The following C10orf143 variants were observed in gnomAD, a reference collection of about 807,000 sequenced individuals.
C10orf143 encodes the protein chromosome 10 open reading frame 143, also known as uncharacterized protein C10orf143.
chr10:130,086,178 A>C (rs1861288874), intron 1 of C10orf143, among the ~76,000 whole-genome samples: 1 of 152,164 alleles, frequency 6.6e-6, no homozygotes, highest in Non-Finnish European at 1.5e-5. Flanking sequence ...AGAAACCCAC[A>C]CTAGGTCAAC....
rs1860893090 is a variant in C10orf143 at position 130,064,228 on chromosome 10, C to A, written c.*126G>T. 5.1e-6 allele frequency: 2 copies of A among 394,502 alleles called. No homozygotes were observed. Among genetic ancestry groups the A allele is most frequent in the African/African-American group, 4.1e-5 (2 of 48,492 alleles). 24.4% of individuals were successfully genotyped at this position (394,502 alleles called of 1,614,324 possible). A position where few individuals can be genotyped will look rare whatever the true frequency, so the allele number is the denominator to read the frequency against. On this transcript the variant is annotated 3_prime_UTR_variant, in exon 4 of 4. Transcript: ENST00000637128. ...GGACAGACAAACCTCCCCCCACCCA[C>A]AGAGGACACCGGGCTGCTATTTGAA...
chr10:130,049,249 G>A (rs1490148707), intron 3 of C10orf143, among the ~76,000 whole-genome samples: 2 of 152,180 alleles, frequency 1.3e-5, no homozygotes, highest in South Asian at 2.1e-4. Context: ...ATCCAGTGGC[G>A]ATCATGGAGA....
At chr10:130,086,735 T>TA (rs1395382975) in intron 1 of C10orf143, among the ~76,000 whole-genome samples, 1 of 152,266 alleles carries the variant, frequency 6.6e-6, no homozygotes, top group Non-Finnish European at 1.5e-5. Context: ...GCAATAATAT[T>TA]ATTTCCCTTC....
intron 1 of C10orf143, among the ~76,000 whole-genome samples, chr10:130,093,750 C>T (rs887472638): frequency 6.6e-6 from 1 of 152,092 alleles, no homozygotes; most frequent in Non-Finnish European, 1.5e-5. Context: ...CGGTGGCTCA[C>T]ACCTGTAATC....
chr10:130,073,666 G>A (rs995085918), intron 3 of C10orf143, among the ~76,000 whole-genome samples: 1 of 152,072 alleles, frequency 6.6e-6, no homozygotes, highest in Non-Finnish European at 1.5e-5. Flanking sequence ...GCAGGAGGGG[G>A]ACACATCTGT....
chr10:130,035,288 G>T (rs540976662), intron 4 of C10orf143, among the ~76,000 whole-genome samples: 1 of 152,104 alleles, frequency 6.6e-6, no homozygotes, highest in Non-Finnish European at 1.5e-5. Flanking sequence ...GGTGTGTTTC[G>T]TCTGTGTCTT....
At chr10:130,087,562 C>T (rs1429405192) in intron 1 of C10orf143, among the ~76,000 whole-genome samples, 1 of 152,218 alleles carries the variant, frequency 6.6e-6, no homozygotes, top group Admixed American at 6.5e-5. Context: ...GGAAGTCTTG[C>T]TGCCTGTCCT....
rs114017585 is a variant in C10orf143, at chr10:130,088,748, C to T, written c.70-8847G>A. On this transcript the variant is annotated intron_variant, in intron 1 of 3. Transcript: ENST00000637128. ...GCTGGATGGAACAAGATTGAGAAGG[C>T]GCCACAGATTGCCATTTAGAAAGAA... 1.8e-3 allele frequency among the ~76,000 whole-genome samples: 277 copies of T among 152,294 alleles called. 1 individual carries two copies. The highest frequency in any genetic ancestry group is 6.4e-3 in the African/African-American group (267 of 41,556).
At chr10:130,098,099 G>C (rs1235627041) in intron 1 of C10orf143, among the ~76,000 whole-genome samples, 1 of 152,114 alleles carries the variant, frequency 6.6e-6, no homozygotes, top group African/African-American at 2.4e-5. Context: ...CAGGCAGGAG[G>C]ATCACTTGAG....
At chr10:130,048,981 A>C (rs1860707969) in intron 3 of C10orf143, among the ~76,000 whole-genome samples, 1 of 152,152 alleles carries the variant, frequency 6.6e-6, no homozygotes, top group African/African-American at 2.4e-5. Flanking sequence ...CTGGGGTTAC[A>C]GATGTGAGCC....
At chr10:130,045,355 T>C (rs1031175286) in intron 3 of C10orf143, among the ~76,000 whole-genome samples, 3 of 152,202 alleles carry the variant, frequency 2.0e-5, no homozygotes, top group African/African-American at 7.2e-5. Flanking sequence ...TCCAGAACCT[T>C]TGGCAACAGA....
intron 1 of C10orf143, among the ~76,000 whole-genome samples, chr10:130,098,974 G>C (rs1006058299): frequency 1.3e-5 from 2 of 151,736 alleles, no homozygotes; most frequent in African/African-American, 4.8e-5. Flanking sequence ...TAAAATCTCA[G>C]CTACTAGGGA....
rs186653476 is a variant in C10orf143, at chr10:130,053,323, G to A, written c.298-17353C>T. 4.6e-5 allele frequency among the ~76,000 whole-genome samples: 7 copies of A among 152,314 alleles called. No individual in the cohort carries two copies. In the East Asian group the frequency reaches 1.4e-3, roughly 29 times the overall value. ...CATGACCTCGTGATCCGCCTGCCTT[G>A]GTCTCCCAAAGTGCTGGGATTACAG... On this transcript the variant is annotated intron_variant and NMD_transcript_variant, in intron 3 of 5. Transcript: ENST00000643056.
chr10:130,107,275 G>T (rs1861667348), intron 1 of C10orf143: 1 of 1,167,980 alleles, frequency 8.6e-7, no homozygotes, highest in African/African-American at 1.5e-5. Context: ...AGAAAGAAGA[G>T]AAACTTTCTA....
At chr10:130,058,830 G>A (rs865927650) in intron 3 of C10orf143, among the ~76,000 whole-genome samples, 19 of 151,710 alleles carry the variant, frequency 1.3e-4, no homozygotes, top group Middle Eastern at 3.4e-3. Context: ...TTTTTTTTGA[G>A]ATTTGACAAA....
downstream of C10orf143, among the ~76,000 whole-genome samples, chr10:130,060,386 G>C (rs77776129): frequency 0.032 from 4,936 of 152,212 alleles, 255 homozygotes; most frequent in African/African-American, 0.11. Context: ...TACAACCTAA[G>C]CACTCATTAT....
At position 130,035,130 on chromosome 10, in the gene C10orf143, G is replaced by C. The variant is rs577882724; in HGVS notation, c.410+728C>G. Reference sequence around the variant, plus strand: ...CTGTATTAGGCAGCTCAGGCTGGGTGGTTTAACCAACAGAAATTTATTTTC... The same window carrying C: ...CTGTATTAGGCAGCTCAGGCTGGGTCGTTTAACCAACAGAAATTTATTTTC... On this transcript the variant is annotated intron_variant and NMD_transcript_variant, in intron 4 of 5. Transcript: ENST00000643056. Among the ~76,000 whole-genome samples, 33 of 152,288 alleles carry C rather than the reference G, an allele frequency of 2.2e-4. 1 individual carries two copies. In the South Asian group the frequency reaches 6.6e-3, roughly 31 times the overall value.
downstream of C10orf143, among the ~76,000 whole-genome samples, chr10:130,063,460 C>T (rs1026387456): frequency 6.6e-6 from 1 of 152,216 alleles, no homozygotes; most frequent in African/African-American, 2.4e-5. Flanking sequence ...CGAGTCATAG[C>T]TCTGGGATCT....
intron 3 of C10orf143, among the ~76,000 whole-genome samples, chr10:130,077,745 A>T (rs985280153): frequency 1.3e-5 from 2 of 152,262 alleles, no homozygotes; most frequent in African/African-American, 2.4e-5. Flanking sequence ...GTTTTATAAT[A>T]CAAAAATAGT....
Sources: allele counts gnomAD v4.1 joint callset (sites outside exome capture counted in the v4.1 genomes callset), GRCh38; gene constraint gnomAD v4.1.1; transcripts MANE v1.5; gene names NCBI Gene and HGNC (gene_info 2026-07-23, HGNC 2026-07-21).